The following BNC1 variants were observed in gnomAD, a reference collection of about 807,000 sequenced individuals.
The protein encoded by BNC1 is zinc finger protein basonuclin-1.
BNC1 carries 8 observed loss-of-function variants against 66.5 expected under a neutral mutation model. The ratio of observed to expected loss-of-function variants is 0.12; its 90% confidence interval spans 0.07 to 0.22. The LOEUF (loss-of-function observed/expected upper bound fraction) is 0.22, where lower values mean the gene tolerates loss of function less well. Ranked by LOEUF, BNC1 falls within the 10% of genes least tolerant of loss-of-function variation. BNC1 has a pLI of 1.00. For missense variants in BNC1, 1,069 were observed against 1,241.3 expected (o/e 0.86, Z 2.09); for synonymous variants, 454 against 452.6 (o/e 1.00, Z -0.04).
intron 4 of BNC1, among the ~76,000 whole-genome samples, chr15:83,258,852 T>C (rs1198191322): frequency 6.6e-6 from 1 of 152,248 alleles, no homozygotes; most frequent in East Asian, 1.9e-4. Context: ...TATTAAATTT[T>C]ACTGCATCTG....
In BNC1 at chr15:83,266,824, T is replaced by C; in HGVS notation, c.435+12A>G. 1.2e-6 allele frequency: 2 copies of C among 1,609,698 alleles called. No homozygotes were observed. The highest frequency in any genetic ancestry group is 1.7e-6 in the Non-Finnish European group (2 of 1,175,948). On this transcript the variant is annotated intron_variant, in intron 3 of 4. Transcript: ENST00000345382. ...AAGCACCCTAGGAGGACAATGTTCA[T>C]GTTTACTGTACCTGCAGTACGTATC...
chr15:83,264,975 A>C (rs528293740), intron 3 of BNC1, among the ~76,000 whole-genome samples, 160 bp from the exon 4 acceptor site: 1 of 152,320 alleles, frequency 6.6e-6, no homozygotes, highest in South Asian at 2.1e-4. Flanking sequence ...CTACTCTCCC[A>C]GGCCAGAAGC....
chr15:83,264,225 T>C lies in BNC1; in HGVS notation c.1026A>G (p.Lys342=), dbSNP rs765226960. 1 of 1,614,240 alleles carries C rather than the reference T, an allele frequency of 6.2e-7. No homozygotes were observed. Residue 342 remains lysine (K), a synonymous_variant, in exon 4 of 5, where the codon AAA becomes AAG. Transcript: ENST00000345382. ...CAAGGCTATTCCTCTCAGGCTTCACTTTGGCCTCAGGGGATAACTGTGTCC... is the reference window on the plus strand; with the variant it reads ...CAAGGCTATTCCTCTCAGGCTTCACCTTGGCCTCAGGGGATAACTGTGTCC... ...FERTQLSPEA[K]VKPERNSLGT... is the part of the protein sequence containing the mutation.
At position 83,257,557 on chromosome 15, in the gene BNC1, T is replaced by C; in HGVS notation, c.2870A>G (p.Lys957Arg). The C allele has an allele frequency of 6.2e-7, 1 of 1,614,102 alleles. No individual in the cohort carries two copies. The highest frequency in any genetic ancestry group is 8.5e-7 in the Non-Finnish European group (1 of 1,180,022). ...GGTGTTGCAGCCTGGTACTTTGCAT[T>C]TGTGGAGCTGCCGGAGGTGCACAGT... Reference protein sequence around the residue: ...YKTVHLRQLHKCKVPGCNTMF... With the variant: ...YKTVHLRQLHRCKVPGCNTMF... Residue 957 changes from lysine to arginine, a missense_variant, in exon 5 of 5, where the codon AAA (lysine) becomes AGA (arginine). Physicochemically the swap from Lys to Arg is conservative, Grantham distance 26. This residue lies in a region of BNC1 where 657 missense variants were observed against 715.8 expected (regional missense o/e 0.92). Transcript: ENST00000345382.
intron 1 of BNC1, among the ~76,000 whole-genome samples, chr15:83,269,460 G>A (rs1357647225): frequency 6.6e-6 from 1 of 151,958 alleles, no homozygotes; most frequent in Non-Finnish European, 1.5e-5. Flanking sequence ...CGCATCTGGA[G>A]GAGGGATAAA....
At chr15:83,282,258 C>A (rs977869453) in intron 1 of BNC1, among the ~76,000 whole-genome samples, 11 of 152,212 alleles carry the variant, frequency 7.2e-5, no homozygotes, top group African/African-American at 2.4e-4. Flanking sequence ...AACAGGAACA[C>A]GTTCAACCAA....
At chr15:83,284,452 GC>G in intron 1 of BNC1, 77 bp downstream of exon 1, 1 of 957,448 alleles carries the variant, frequency 1.0e-6, no homozygotes, top group South Asian at 3.5e-5. Context: ...ACCCACGGGA[GC>G]CGGAGCCCAG....
intron 1 of BNC1, among the ~76,000 whole-genome samples, chr15:83,272,089 T>C (rs1189035193): frequency 2.6e-5 from 4 of 152,360 alleles, no homozygotes; most frequent in East Asian, 1.9e-4. Flanking sequence ...ACATTCTCAA[T>C]AGCACCAGTA....
At chr15:83,283,175 G>C in intron 1 of BNC1, 1 of 1,535,628 alleles carries the variant, frequency 6.5e-7, no homozygotes, top group Non-Finnish European at 8.7e-7. Flanking sequence ...GCCACAAAGA[G>C]ATGCCTTAAA....
chr15:83,284,327 G>T (rs942848732), intron 1 of BNC1, among the ~76,000 whole-genome samples: 1 of 151,748 alleles, frequency 6.6e-6, no homozygotes, highest in African/African-American at 2.4e-5. Flanking sequence ...GGGTCCCAGA[G>T]CCCCAACCCC....
intron 1 of BNC1, among the ~76,000 whole-genome samples, chr15:83,282,823 A>C (rs2038392625): frequency 6.6e-6 from 1 of 152,256 alleles, no homozygotes; most frequent in African/African-American, 2.4e-5. Context: ...TTGTTGCTAC[A>C]TCTGCTCTGT....
At chr15:83,267,156 T>G in intron 2 of BNC1, 85 bp from the exon 3 acceptor site, 1 of 993,270 alleles carries the variant, frequency 1.0e-6, no homozygotes, top group Non-Finnish European at 1.5e-6. Flanking sequence ...TTAGGACCAA[T>G]TCTTGGTTAT....
chr15:83,275,544 T>C (rs1172545165), intron 1 of BNC1, among the ~76,000 whole-genome samples: 1 of 148,072 alleles, frequency 6.8e-6, no homozygotes, highest in African/African-American at 2.5e-5. Flanking sequence ...TTTAACTGGG[T>C]GGCATGGAGG....
At chr15:83,261,063 G>A (rs1459992768) in intron 4 of BNC1, among the ~76,000 whole-genome samples, 1 of 152,158 alleles carries the variant, frequency 6.6e-6, no homozygotes, top group Non-Finnish European at 1.5e-5. Flanking sequence ...AAATGAAAAA[G>A]TATCTTGAAT....
intron 4 of BNC1, 45 bp from the exon 5 acceptor site, chr15:83,258,171 G>C (rs755844088): frequency 1.3e-6 from 2 of 1,527,892 alleles, no homozygotes; most frequent in Non-Finnish European, 1.8e-6. Flanking sequence ...GGCTGTTTTA[G>C]AAACAGTCAT....
Position 83,283,056 on chromosome 15 carries a change from G to A in BNC1, c.99+1474C>T, listed in dbSNP as rs2038396803. On this transcript the variant is annotated intron_variant, in intron 1 of 4. Coordinates refer to ENST00000345382, the MANE Select transcript of BNC1 (RefSeq NM_001717.4). ...CCAGGGGACGTTACCGAACCCCCGA[G>A]CGTCTGATGCCCCCCGCCCCCCAAC... 3.4e-6 allele frequency: 5 copies of A among 1,466,476 alleles called. No individual in the cohort carries two copies. The African/African-American group carries it at 7.0e-5, about 21-fold the overall frequency. 90.8% of individuals were successfully genotyped at this position (1,466,476 alleles called of 1,614,324 possible). A position where few individuals can be genotyped will look rare whatever the true frequency, so the allele number is the denominator to read the frequency against.
At chr15:83,284,238 C>A (rs1337464936) in intron 1 of BNC1, among the ~76,000 whole-genome samples, 1 of 152,092 alleles carries the variant, frequency 6.6e-6, no homozygotes, top group Non-Finnish European at 1.5e-5. Context: ...TTTCCACAGG[C>A]TGGCCCGCCG....
intron 1 of BNC1, among the ~76,000 whole-genome samples, chr15:83,280,084 T>G (rs2038363201): frequency 6.6e-6 from 1 of 152,208 alleles, no homozygotes; most frequent in South Asian, 2.1e-4. Context: ...CCAAAATAAT[T>G]TAATGTCTGT....
chr15:83,278,929 CA>C (rs1189979052), intron 1 of BNC1, among the ~76,000 whole-genome samples: 1 of 152,060 alleles, frequency 6.6e-6, no homozygotes, highest in East Asian at 1.9e-4. Flanking sequence ...CCAGCTTTTT[CA>C]ACAAATAAAT....
Sources: gnomAD v4.1 joint callset for allele counts (sites outside exome capture counted in the v4.1 genomes callset) on GRCh38, gnomAD v4.1.1 for gene constraint, gnomAD v4.1.1 regional missense constraint, MANE v1.5 for transcripts, NCBI Gene and HGNC (gene_info 2026-07-23, HGNC 2026-07-21) for gene names.